Variants in TPGS2 observed in about 807,000 individuals in gnomAD.
TPGS2 encodes tubulin polyglutamylase complex subunit 2.
A neutral mutation model predicts 31.1 loss-of-function variants in TPGS2; 26 were observed. The ratio of observed to expected loss-of-function variants is 0.84; its 90% CI spans 0.61 to 1.16. The LOEUF (loss-of-function observed/expected upper bound fraction) is 1.16, where lower values mean the gene tolerates loss of function less well. Ranked by LOEUF, TPGS2 falls within the 50% of genes most tolerant of loss-of-function variation. TPGS2 has a pLI of 0.00. For missense variants in TPGS2, 351 were observed against 363.8 expected (o/e 0.96, Z 0.29); for synonymous variants, 130 against 136.6 (o/e 0.95, Z 0.34).
At chr18:36,786,602 T>A (rs1430584670) in intron 6 of TPGS2, 2 of 354,730 alleles carry the variant, frequency 5.6e-6, no homozygotes, top group African/African-American at 4.2e-5. Flanking sequence ...TTATTTGGTA[T>A]CTTATTGTCA....
intron 1 of TPGS2, among the ~76,000 whole-genome samples, chr18:36,822,656 G>A (rs2045945981): frequency 6.6e-6 from 1 of 152,176 alleles, no homozygotes; most frequent in African/African-American, 2.4e-5. Context: ...GTGCAGTGGT[G>A]TAATCATAGC....
At chr18:36,791,572 C>G (rs908360207), downstream of TPGS2, among the ~76,000 whole-genome samples, 1 of 152,156 alleles carries the variant, frequency 6.6e-6, no homozygotes, top group Non-Finnish European at 1.5e-5. Flanking sequence ...TATAGAAAGT[C>G]AATGGCTGGA....
intron 2 of TPGS2, among the ~76,000 whole-genome samples, chr18:36,811,696 A>G (rs1478150320): frequency 1.3e-5 from 2 of 152,102 alleles, no homozygotes; most frequent in South Asian, 2.1e-4. Context: ...TGCTTGTGGA[A>G]AAGAAGTTAG....
intron 6 of TPGS2, among the ~76,000 whole-genome samples, chr18:36,783,945 C>T (rs2044072452): frequency 6.6e-6 from 1 of 152,002 alleles, no homozygotes; most frequent in Non-Finnish European, 1.5e-5. Flanking sequence ...AAGAGAAAGG[C>T]AGAGTGAGAT....
At chr18:36,800,375 C>A in intron 4 of TPGS2, 64 bp from the exon 5 acceptor site, 1 of 1,399,398 alleles carries the variant, frequency 7.1e-7, no homozygotes, top group Non-Finnish European at 1.0e-6. Context: ...ACCTATATAT[C>A]CAACTTTGCT....
chr18:36,786,755 G>A, intron 6 of TPGS2: 1 of 1,196,514 alleles, frequency 8.4e-7, no homozygotes. Flanking sequence ...AGTTTCTAAG[G>A]TTCTCTGGAG....
chr18:36,789,033 G>A (rs1600720689), intron 6 of TPGS2: 1 of 152,322 alleles, frequency 6.6e-6, no homozygotes, highest in East Asian at 1.9e-4. Flanking sequence ...ACCTAGAGAG[G>A]CTGGGGCTGC....
At chr18:36,811,222 G>C (rs920016177) in intron 2 of TPGS2, among the ~76,000 whole-genome samples, 6 of 152,218 alleles carry the variant, frequency 3.9e-5, no homozygotes, top group African/African-American at 1.4e-4. Context: ...AAACCTGGAT[G>C]AGCTGTGGAG....
chr18:36,796,373 G>T lies in TPGS2; in HGVS notation c.*432C>A, dbSNP rs964504814. The T allele has an allele frequency of 3.2e-5, 31 of 981,096 alleles. No individual in the cohort carries two copies. The South Asian group carries it at 7.1e-4, about 22-fold the overall frequency. The allele number at this position is 981,096 out of a possible 1,614,324, so 60.8% of individuals were successfully genotyped here. ...TCAAAATGTGGCTAATGCAATTGAA[G>T]AAATGAATTTTTCATACAATTTACT... On this transcript the variant is annotated 3_prime_UTR_variant, in exon 7 of 7. Transcript: ENST00000334295.
chr18:36,799,389 C>T (rs2044692074), intron 5 of TPGS2, among the ~76,000 whole-genome samples: 1 of 152,164 alleles, frequency 6.6e-6, no homozygotes, highest in Non-Finnish European at 1.5e-5. Context: ...CCTCCTCACC[C>T]CCTACATGAA....
intron 2 of TPGS2, among the ~76,000 whole-genome samples, chr18:36,814,203 C>T (rs1035701998): frequency 2.6e-5 from 4 of 152,114 alleles, no homozygotes; most frequent in Admixed American, 1.3e-4. Context: ...TCTTCTGGCA[C>T]CAGGATGTTA....
chr18:36,803,260 G>A (rs547187496), intron 4 of TPGS2, among the ~76,000 whole-genome samples: 73 of 152,210 alleles, frequency 4.8e-4, no homozygotes, highest in African/African-American at 1.4e-3. Context: ...GTTGACCAAC[G>A]TTTCCCCTTT....
chr18:36,796,312 T>C lies in TPGS2; in HGVS notation c.*493A>G, dbSNP rs1344267708. On this transcript the variant is annotated 3_prime_UTR_variant, in exon 7 of 7. Transcript: ENST00000334295. ...GTGGTGATGGAAATGTTCCATATCT[T>C]TGTGCTAATACAGAATCTACCAGCC... The C allele has an allele frequency of 1.1e-5, 11 of 979,316 alleles. No individual in the cohort carries two copies. Among genetic ancestry groups the C allele is most frequent in the African/African-American group, 1.8e-5 (1 of 57,096 alleles). 60.7% of individuals were successfully genotyped at this position (979,316 alleles called of 1,614,324 possible). A position where few individuals can be genotyped will look rare whatever the true frequency, so the allele number is the denominator to read the frequency against.
intron 1 of TPGS2, among the ~76,000 whole-genome samples, chr18:36,819,727 T>C (rs2045813160): frequency 6.6e-6 from 1 of 152,242 alleles, no homozygotes; most frequent in Non-Finnish European, 1.5e-5. Context: ...AAAGCTGTTA[T>C]GACTTGAATT....
downstream of TPGS2, among the ~76,000 whole-genome samples, chr18:36,782,559 C>A (rs1342224246): frequency 6.6e-6 from 1 of 152,134 alleles, no homozygotes; most frequent in Non-Finnish European, 1.5e-5. Flanking sequence ...GTTTGGAAAT[C>A]ACTGGGTATT....
At chr18:36,824,956 T>A (rs1443365836) in intron 1 of TPGS2, among the ~76,000 whole-genome samples, 4 of 152,202 alleles carry the variant, frequency 2.6e-5, no homozygotes, top group Admixed American at 1.3e-4. Context: ...ACCTAAGGCC[T>A]GTTTTCTTCC....
chr18:36,785,080 C>T (rs557834402), intron 6 of TPGS2, among the ~76,000 whole-genome samples: 1 of 152,204 alleles, frequency 6.6e-6, no homozygotes, highest in South Asian at 2.1e-4. Context: ...GGGCAGATCA[C>T]CTGAGGTCAG....
chr18:36,786,805 A>G, intron 6 of TPGS2: 2 of 1,234,086 alleles, frequency 1.6e-6, no homozygotes, highest in Non-Finnish European at 2.0e-6. Flanking sequence ...TTGGTTGGAG[A>G]GTTTTATTTG....
intron 1 of TPGS2, 49 bp downstream of exon 1, chr18:36,828,634 T>A: frequency 6.2e-7 from 1 of 1,604,652 alleles, no homozygotes; most frequent in Non-Finnish European, 8.5e-7. Flanking sequence ...CCTCCGCTCC[T>A]CCTTCCTTCT....
Sources: gnomAD v4.1 joint callset for allele counts (sites outside exome capture counted in the v4.1 genomes callset) on GRCh38, gnomAD v4.1.1 for gene constraint, MANE v1.5 for transcripts, NCBI Gene and HGNC (gene_info 2026-07-23, HGNC 2026-07-21) for gene names.